Variants in CCDC66 observed in about 807,000 individuals in gnomAD.
CCDC66 encodes the protein coiled-coil domain-containing protein 66.
Under a neutral mutation model 128.3 loss-of-function variants are expected in CCDC66, and 133 were observed. The observed-to-expected ratio is 1.04, with a 90% CI of 0.90 to 1.20. The LOEUF (loss-of-function observed/expected upper bound fraction) is 1.20, where lower values mean the gene tolerates loss of function less well. Ranked by LOEUF, CCDC66 falls within the 50% of genes most tolerant of loss-of-function variation. The pLI, the probability that CCDC66 is intolerant of heterozygous loss-of-function variation, is 0.00. For synonymous variants in CCDC66, 387 were observed against 357.0 expected (o/e 1.08, Z -0.95); for missense variants, 1,126 against 1,075.5 (o/e 1.05, Z -0.66).
chr3:56,559,651 A>T lies in CCDC66; in HGVS notation c.102+57A>T. On this transcript the variant is annotated intron_variant, in intron 3 of 17. Coordinates refer to ENST00000394672, the MANE Select transcript of CCDC66 (RefSeq NM_001141947.3). ...TCAAATGTAAAATGCAGTTTTATTT[A>T]TAGTGGTTAGAAAATAATTCCTGGG... is the stretch of plus-strand genomic sequence containing the variant. 3.7e-6 allele frequency: 5 copies of T among 1,342,240 alleles called. No homozygotes were observed. The South Asian group carries it at 5.6e-5, about 15-fold the overall frequency. The allele number at this position is 1,342,240 out of a possible 1,614,324, so 83.1% of individuals were successfully genotyped here.
chr3:56,559,589 G>T lies in CCDC66; in HGVS notation c.97G>T (p.Val33Leu), dbSNP rs1307062791. 8 of 1,535,374 alleles carry T rather than the reference G, an allele frequency of 5.2e-6. No homozygotes were observed. The African/African-American group carries it at 1.1e-4, about 21-fold the overall frequency. ...TGTAGAACATAAATCAAAAATTTCTGTGAAGGTAAGCCGTATAACTTTGAC... is the reference window on the plus strand; with the variant it reads ...TGTAGAACATAAATCAAAAATTTCTTTGAAGGTAAGCCGTATAACTTTGAC... ...SPYEHKSKIS[V>L]KMGNKAKIAK... Residue 33 changes from valine (V) to leucine (L), a missense_variant, in exon 3 of 18, where the codon GTG (valine) becomes TTG (leucine). Transcript: ENST00000394672.
At chr3:56,578,296 A>C (rs541066732) in intron 7 of CCDC66, among the ~76,000 whole-genome samples, 1 of 151,910 alleles carries the variant, frequency 6.6e-6, no homozygotes, top group African/African-American at 2.4e-5. Context: ...TATCAGCTTA[A>C]GGAGATTTGG....
chr3:56,577,120 C>G (rs995318081), intron 7 of CCDC66, among the ~76,000 whole-genome samples: 8 of 151,744 alleles, frequency 5.3e-5, no homozygotes, highest in African/African-American at 1.2e-4. Context: ...ATTCTAACTG[C>G]TGTGAGATGG....
intron 10 of CCDC66, among the ~76,000 whole-genome samples, chr3:56,604,319 A>T (rs1168189167): frequency 6.6e-6 from 1 of 151,968 alleles, no homozygotes; most frequent in Admixed American, 6.6e-5. Flanking sequence ...TCCTGTCATT[A>T]TGATGCTAGC....
intron 4 of CCDC66, among the ~76,000 whole-genome samples, chr3:56,565,994 A>G (rs1296327401): frequency 1.3e-5 from 2 of 152,188 alleles, no homozygotes; most frequent in African/African-American, 2.4e-5. Flanking sequence ...CATGCTGGCA[A>G]GAGGAAATGG....
chr3:56,606,487 C>T (rs1420531419), intron 10 of CCDC66, among the ~76,000 whole-genome samples: 2 of 152,046 alleles, frequency 1.3e-5, no homozygotes, highest in African/African-American at 4.8e-5. Flanking sequence ...GTGCACCATT[C>T]CTCACAGCAT....
chr3:56,568,102 G>A (rs1443747074), intron 6 of CCDC66, among the ~76,000 whole-genome samples: 1 of 152,146 alleles, frequency 6.6e-6, no homozygotes, highest in African/African-American at 2.4e-5. Flanking sequence ...ATTTATCCTA[G>A]ATCTGGACAG....
chr3:56,593,187 TGACAA>T, intron 8 of CCDC66, 86 bp downstream of exon 8: 1 of 1,116,972 alleles, frequency 9.0e-7, no homozygotes, highest in African/African-American at 1.6e-5. Context: ...CTGAAACTCT[TGACAA>T]GACCAGAATA....
At chr3:56,566,409 G>A (rs771046940) in intron 4 of CCDC66, among the ~76,000 whole-genome samples, 185 bp from the exon 5 acceptor site, 6 of 152,294 alleles carry the variant, frequency 3.9e-5, no homozygotes, top group Admixed American at 6.5e-5. Flanking sequence ...ACAGGTGTGA[G>A]CCACCACTCC....
intron 7 of CCDC66, among the ~76,000 whole-genome samples, chr3:56,573,607 G>A (rs562249727): frequency 6.6e-6 from 1 of 152,322 alleles, no homozygotes; most frequent in Admixed American, 6.5e-5. Context: ...AGAGTTTTCA[G>A]CCCTCTGACA....
chr3:56,621,706 C>CTAGAT lies in CCDC66; in HGVS notation c.*90_*94dup. On this transcript the variant is annotated 3_prime_UTR_variant, in exon 18 of 18. Coordinates refer to ENST00000394672, the MANE Select transcript of CCDC66 (RefSeq NM_001141947.3). ...GGCTCAACTGTATTTTTCAAATAGC[C>CTAGAT]TAGATTTACTTATTTTTTTAAATGC... is the stretch of plus-strand genomic sequence containing the variant. The CTAGAT allele has an allele frequency of 1.2e-6, 1 of 836,078 alleles. No homozygotes were observed. Among genetic ancestry groups the CTAGAT allele is most frequent in the African/African-American group, 1.7e-5 (1 of 58,050 alleles). The allele number at this position is 836,078 out of a possible 1,614,324, so 51.8% of individuals were successfully genotyped here. A position where few individuals can be genotyped will look rare whatever the true frequency, so the allele number is the denominator to read the frequency against.
Position 56,557,260 on chromosome 3 carries a change from A to C in CCDC66, c.11+7A>C. 1 of 1,549,348 alleles carries C rather than the reference A, an allele frequency of 6.5e-7. No homozygotes were observed. The highest frequency in any genetic ancestry group is 1.2e-5 in the South Asian group (1 of 83,972). The stretch of plus-strand genomic sequence containing the variant: ...GTCAGGCCATGAACTTGGGGTAAGC[A>C]GGGGTAAGCTGGGGTAAGCTGGGGT... On this transcript the variant is annotated splice_region_variant and intron_variant, in intron 1 of 17. Transcript: ENST00000394672.
intron 2 of CCDC66, among the ~76,000 whole-genome samples, chr3:56,559,235 T>G (rs1032672241): frequency 6.6e-5 from 10 of 152,224 alleles, no homozygotes; most frequent in African/African-American, 2.4e-4. Context: ...GTAAAGAATG[T>G]ATCATTTGAG....
rs1330083772 is a variant in CCDC66, at chr3:56,593,936, C to T, written c.1320-8C>T. The T allele has an allele frequency of 1.2e-6, 2 of 1,613,832 alleles. No individual in the cohort carries two copies. Among genetic ancestry groups the T allele is most frequent in the Non-Finnish European group, 1.7e-6 (2 of 1,179,846 alleles). On this transcript the variant is annotated splice_polypyrimidine_tract_variant and splice_region_variant and intron_variant, in intron 9 of 17. Coordinates refer to ENST00000394672, the MANE Select transcript of CCDC66 (RefSeq NM_001141947.3). ...GGTTTTGAATAGCTAATGTATGTAT[C>T]TTGCCAGCTTTCTCCGTTCTATGAC...
chr3:56,601,498 A>G (rs992283198), intron 10 of CCDC66, among the ~76,000 whole-genome samples: 1 of 152,070 alleles, frequency 6.6e-6, no homozygotes, highest in African/African-American at 2.4e-5. Flanking sequence ...AGTTTTTTCC[A>G]ATTCTGTGAA....
At chr3:56,565,109 A>C (rs1366149311) in intron 4 of CCDC66, 1 of 414,594 alleles carries the variant, frequency 2.4e-6, no homozygotes. Flanking sequence ...TGAGCCCTCT[A>C]AAACATCTGA....
intron 11 of CCDC66, 97 bp downstream of exon 11, chr3:56,613,847 C>A: frequency 1.0e-6 from 1 of 969,432 alleles, no homozygotes; most frequent in Non-Finnish European, 1.6e-6. Flanking sequence ...GTGGTGCAAT[C>A]ATAGCTCACT....
chr3:56,565,452 T>C (rs922009345), intron 4 of CCDC66, among the ~76,000 whole-genome samples: 3 of 149,284 alleles, frequency 2.0e-5, no homozygotes, highest in African/African-American at 7.4e-5. Context: ...TTTTTTTTTT[T>C]TTTCTTTTTT....
intron 10 of CCDC66, among the ~76,000 whole-genome samples, chr3:56,603,271 G>A (rs899066568): frequency 6.6e-5 from 10 of 151,852 alleles, no homozygotes; most frequent in South Asian, 2.1e-4. Context: ...GAAGGGTTTC[G>A]TGTCTGTATC....
Sources: allele counts gnomAD v4.1 joint callset (sites outside exome capture counted in the v4.1 genomes callset), GRCh38; gene constraint gnomAD v4.1.1; transcripts MANE v1.5; gene names NCBI Gene and HGNC (gene_info 2026-07-23, HGNC 2026-07-21).